Variants in PCSK6 observed in about 807,000 individuals in gnomAD.
PCSK6 encodes proprotein convertase subtilisin/kexin type 6.
A neutral mutation model predicts 123.3 loss-of-function variants in PCSK6; 85 were observed. That is an observed-to-expected ratio of 0.69 (90% confidence interval 0.58 to 0.83). The LOEUF (loss-of-function observed/expected upper bound fraction) is 0.83. Among genes scored for constraint, PCSK6 ranks in the 40% least tolerant of loss-of-function variants. The pLI is 0.00. For synonymous variants in PCSK6, 508 were observed against 516.0 expected (o/e 0.98, Z 0.21); for missense variants, 1,191 against 1,282.3 (o/e 0.93, Z 1.09).
intron 13 of PCSK6, among the ~76,000 whole-genome samples, chr15:101,343,188 T>A (rs1348893342): frequency 6.7e-6 from 1 of 150,066 alleles, no homozygotes; most frequent in Non-Finnish European, 1.5e-5. Flanking sequence ...CACATAATTT[T>A]AATGTATATA....
chr15:101,322,603 C>T lies in PCSK6; in HGVS notation c.2382G>A (p.Gln794=), dbSNP rs2040153347. The T allele has an allele frequency of 3.1e-6, 5 of 1,606,666 alleles. No homozygotes were observed. In the Admixed American group the frequency reaches 8.3e-5, roughly 27 times the overall value. ...CPAGFYADES[Q]KNCLKCHPSC... ...TTGGGTGGCATTTAAGGCAATTTTT[C>T]TGACCTGGAGAAAAATAGCGAGATA... is the stretch of plus-strand genomic sequence containing the variant. Residue 794 remains glutamine, a synonymous_variant, in exon 18 of 22, where the codon CAG becomes CAA. Coordinates refer to ENST00000611716, the MANE Select transcript of PCSK6 (RefSeq NM_002570.5).
At position 101,324,839 on chromosome 15, in the gene PCSK6, A is replaced by T. The variant is rs370466251; in HGVS notation, c.2377+11T>A. ...CTCATCAGTTCTTGTACCCACAAAC[A>T]AGCCACTTACTTTCATCAGCATAAA... is the stretch of plus-strand genomic sequence containing the variant. On this transcript the variant is annotated intron_variant, in intron 17 of 21. Transcript: ENST00000611716. The T allele has an allele frequency of 1.7e-4, 274 of 1,605,270 alleles. 1 individual carries two copies. The Admixed American group carries it at 2.0e-3, about 12-fold the overall frequency.
At chr15:101,399,418 T>C (rs567572599) in intron 6 of PCSK6, among the ~76,000 whole-genome samples, 305 of 152,258 alleles carry the variant, frequency 2.0e-3, no homozygotes, top group African/African-American at 7.0e-3. Context: ...CATCTCCATT[T>C]GGGTTTGGGT....
intron 2 of PCSK6, among the ~76,000 whole-genome samples, chr15:101,432,996 C>T (rs1055440696): frequency 6.6e-6 from 1 of 152,160 alleles, no homozygotes; most frequent in Non-Finnish European, 1.5e-5. Context: ...TAAAATTTTA[C>T]AATTACTTTC....
chr15:101,477,254 TG>T (rs1234968142), intron 1 of PCSK6, among the ~76,000 whole-genome samples: 1 of 151,982 alleles, frequency 6.6e-6, no homozygotes, highest in Non-Finnish European at 1.5e-5. Context: ...CGTGTGTGTG[TG>T]TGTCTGTGTG....
chr15:101,442,938 C>G (rs773817349), intron 2 of PCSK6, among the ~76,000 whole-genome samples: 1 of 152,158 alleles, frequency 6.6e-6, no homozygotes, highest in Non-Finnish European at 1.5e-5. Context: ...TCCAAAAATA[C>G]CTGCCAAATG....
At chr15:101,488,908 G>A (rs1227237386) in intron 1 of PCSK6, among the ~76,000 whole-genome samples, 4 of 150,528 alleles carry the variant, frequency 2.7e-5, no homozygotes, top group African/African-American at 9.7e-5. Context: ...CGCGCACCGG[G>A]TCCGGAGCTC....
chr15:101,326,263 T>C (rs190758934), intron 16 of PCSK6, 114 bp downstream of exon 16: 9 of 735,846 alleles, frequency 1.2e-5, no homozygotes, highest in Non-Finnish European at 1.8e-5. Context: ...AGTGTGATGA[T>C]TGTTTGGGGG....
intron 12 of PCSK6, among the ~76,000 whole-genome samples, chr15:101,367,262 T>C (rs934205313): frequency 5.3e-5 from 8 of 152,358 alleles, no homozygotes; most frequent in Non-Finnish European, 5.9e-5. Flanking sequence ...TGACTCTTTC[T>C]GTACTGGAAT....
chr15:101,304,063 T>G lies in PCSK6; in HGVS notation c.*1195A>C, dbSNP rs554803689. The G allele has an allele frequency of 6.5e-6, 1 of 152,724 alleles. No homozygotes were observed. The highest frequency in any genetic ancestry group is 6.5e-5 in the Admixed American group (1 of 15,300). 9.5% of individuals were successfully genotyped at this position (152,724 alleles called of 1,614,324 possible). ...CTCACAGGTGACAAGGCAAATGCACTGTCGTCAAACAGGGGAGCAGGACAA... is the reference window on the plus strand; with the variant it reads ...CTCACAGGTGACAAGGCAAATGCACGGTCGTCAAACAGGGGAGCAGGACAA... On this transcript the variant is annotated 3_prime_UTR_variant, in exon 22 of 22. Coordinates refer to ENST00000611716, the MANE Select transcript of PCSK6 (RefSeq NM_002570.5).
chr15:101,384,178 C>G (rs1020445486), intron 10 of PCSK6, 144 bp downstream of exon 10: 2 of 1,448,180 alleles, frequency 1.4e-6, no homozygotes, highest in Non-Finnish European at 1.8e-6. Flanking sequence ...TCTTAAATAG[C>G]TGCACATGCG....
In PCSK6 at chr15:101,324,977, G is replaced by T; in HGVS notation, c.2250C>A (p.His750Gln). Residue 750 changes from histidine (H) to glutamine (Q), a missense_variant, in exon 17 of 22, where the codon CAC becomes CAA. His to Gln is a conservative substitution (Grantham distance 24). Transcript: ENST00000611716. ...DTAARRCRRC[H>Q]KGCETCSSRA... ...TGCTGGAGCAGGTCTCACACCCCTT[G>T]TGGCACCGGCGACAGCGTCTTGCTG... 5 of 1,613,130 alleles carry T rather than the reference G, an allele frequency of 3.1e-6. No homozygotes were observed. Among genetic ancestry groups the T allele is most frequent in the Non-Finnish European group, 4.2e-6 (5 of 1,179,880 alleles).
At chr15:101,407,517 AC>A (rs1242332039) in intron 6 of PCSK6, among the ~76,000 whole-genome samples, 1 of 151,994 alleles carries the variant, frequency 6.6e-6, no homozygotes, top group East Asian at 1.9e-4. Context: ...CACCCCAGCC[AC>A]CTCCATCATG....
intron 6 of PCSK6, among the ~76,000 whole-genome samples, chr15:101,423,612 T>C (rs1196914382): frequency 2.0e-5 from 3 of 152,130 alleles, no homozygotes; most frequent in African/African-American, 7.2e-5. Context: ...GAAGGATTAG[T>C]TAACTTGAAG....
intron 5 of PCSK6, among the ~76,000 whole-genome samples, chr15:101,429,773 A>C (rs1456566414): frequency 2.0e-5 from 3 of 152,250 alleles, no homozygotes; most frequent in Non-Finnish European, 4.4e-5. Context: ...GGCAGCGGTG[A>C]CACCCCAGAG....
At chr15:101,345,568 AG>A (rs1292268317) in intron 13 of PCSK6, among the ~76,000 whole-genome samples, 1 of 152,266 alleles carries the variant, frequency 6.6e-6, no homozygotes, top group African/African-American at 2.4e-5. Flanking sequence ...CGACACACAC[AG>A]GGTTATTACA....
At chr15:101,386,641 T>C (rs1407152450) in intron 9 of PCSK6, among the ~76,000 whole-genome samples, 1 of 152,230 alleles carries the variant, frequency 6.6e-6, no homozygotes, top group African/African-American at 2.4e-5. Flanking sequence ...ACAACGTCCT[T>C]GAGGGACCTC....
chr15:101,323,746 A>G (rs1289444825), intron 17 of PCSK6, among the ~76,000 whole-genome samples: 5 of 148,934 alleles, frequency 3.4e-5, no homozygotes, highest in African/African-American at 7.4e-5. Context: ...AAAAAAAAAA[A>G]GGGGGTGTCT....
chr15:101,330,107 G>A (rs1239846686), intron 15 of PCSK6, among the ~76,000 whole-genome samples: 1 of 152,198 alleles, frequency 6.6e-6, no homozygotes, highest in African/African-American at 2.4e-5. Context: ...CAGGTTGGCT[G>A]TCACCACAAA....
Sources: gnomAD v4.1 joint callset for allele counts (sites outside exome capture counted in the v4.1 genomes callset) on GRCh38, gnomAD v4.1.1 for gene constraint, MANE v1.5 for transcripts, NCBI Gene and HGNC (gene_info 2026-07-23, HGNC 2026-07-21) for gene names.